PRSS12: variants seen among roughly 807,000 people sequenced by gnomAD.
PRSS12 encodes serine protease 12, also known as neurotrypsin.
Under a neutral mutation model 104.4 loss-of-function variants are expected in PRSS12, and 85 were observed. The ratio of observed to expected loss-of-function variants is 0.81; its 90% CI spans 0.68 to 0.98. PRSS12 has a LOEUF of 0.98. Ranked by LOEUF, PRSS12 falls within the 50% of genes least tolerant of loss-of-function variation. The pLI is 0.00. For synonymous variants in PRSS12, 454 were observed against 425.2 expected, an observed-to-expected ratio of 1.07 and a Z score of -0.83; for missense variants, 1,141 against 1,139.2, an observed-to-expected ratio of 1.00 and a Z score of -0.02.
At chr4:118,290,933 A>G (rs908326509) in intron 11 of PRSS12, among the ~76,000 whole-genome samples, 1 of 152,106 alleles carries the variant, frequency 6.6e-6, no homozygotes, top group Non-Finnish European at 1.5e-5. Context: ...CCTTCCTCAC[A>G]GTCCCTCCAG....
At chr4:118,316,837 A>ATATATATATATATATATATATATATAT (rs768370790) in intron 5 of PRSS12, among the ~76,000 whole-genome samples, 1 of 99,192 alleles carries the variant, frequency 1.0e-5, no homozygotes, top group Non-Finnish European at 2.0e-5. Flanking sequence ...AAAAAAAAAA[A>ATATATATATATATATATATATATATAT]ATATATATAT....
At chr4:118,311,464 C>T (rs1560773595) in intron 7 of PRSS12, among the ~76,000 whole-genome samples, 1 of 152,106 alleles carries the variant, frequency 6.6e-6, no homozygotes, top group East Asian at 1.9e-4. Flanking sequence ...CCATTGTTTC[C>T]TAAATGCTGT....
intron 4 of PRSS12, among the ~76,000 whole-genome samples, chr4:118,326,117 G>C (rs1723762631): frequency 6.6e-6 from 1 of 152,290 alleles, no homozygotes; most frequent in Non-Finnish European, 1.5e-5. Flanking sequence ...GGTAGACCTA[G>C]AATAGAGTTA....
chr4:118,303,987 G>C (rs1341005271), intron 8 of PRSS12: 1 of 151,608 alleles, frequency 6.6e-6, no homozygotes, highest in African/African-American at 2.4e-5. Context: ...GAGAGCTTTG[G>C]TAAACTTTTA....
chr4:118,301,671 G>T (rs936885367), intron 8 of PRSS12, among the ~76,000 whole-genome samples: 7 of 152,126 alleles, frequency 4.6e-5, no homozygotes, highest in Non-Finnish European at 1.0e-4. Flanking sequence ...TTTCACATAG[G>T]TCTCAATTCT....
chr4:118,330,343 C>G (rs1436637076), intron 4 of PRSS12, among the ~76,000 whole-genome samples: 1 of 152,026 alleles, frequency 6.6e-6, no homozygotes, highest in Admixed American at 6.6e-5. Context: ...TCTAATCAAG[C>G]CTTTAAACCT....
chr4:118,334,762 C>G (rs934867149), intron 3 of PRSS12, among the ~76,000 whole-genome samples: 1 of 152,154 alleles, frequency 6.6e-6, no homozygotes, highest in Non-Finnish European at 1.5e-5. Flanking sequence ...CCTGGGATAT[C>G]TGGTCATGCT....
chr4:118,301,525 C>T (rs1261742207), intron 8 of PRSS12, among the ~76,000 whole-genome samples: 1 of 151,964 alleles, frequency 6.6e-6, no homozygotes, highest in Non-Finnish European at 1.5e-5. Flanking sequence ...ACCCCATATG[C>T]ACACCAAGAA....
intron 4 of PRSS12, among the ~76,000 whole-genome samples, chr4:118,327,530 A>G (rs796843403): frequency 1.3e-5 from 2 of 152,338 alleles, no homozygotes; most frequent in African/African-American, 4.8e-5. Context: ...ATATAATTTT[A>G]GAGCAAAAAA....
intron 6 of PRSS12, among the ~76,000 whole-genome samples, chr4:118,314,206 C>T (rs1387400735): frequency 2.0e-5 from 3 of 152,080 alleles, no homozygotes; most frequent in Non-Finnish European, 1.5e-5. Flanking sequence ...TAACAGCCTA[C>T]AAGATTCAAC....
chr4:118,315,603 G>A (rs536676790), intron 6 of PRSS12, among the ~76,000 whole-genome samples: 52 of 152,148 alleles, frequency 3.4e-4, no homozygotes, highest in African/African-American at 1.1e-3. Context: ...CAGTTACTTC[G>A]ACCAACTTAA....
intron 4 of PRSS12, among the ~76,000 whole-genome samples, chr4:118,329,109 T>C (rs1400777793): frequency 6.6e-6 from 1 of 152,120 alleles, no homozygotes; most frequent in African/African-American, 2.4e-5. Context: ...AAAAATTTTT[T>C]TGTAGACACA....
Position 118,313,384 on chromosome 4 carries a change from C to T in PRSS12, c.1306G>A (p.Ala436Thr), listed in dbSNP as rs927166463. Residue 436 changes from alanine (A) to threonine (T), a missense_variant, in exon 7 of 13, where the codon GCA (alanine) becomes ACA (threonine). By Grantham distance (58) the Ala-to-Thr change is moderately conservative (BLOSUM62 0). Coordinates refer to ENST00000296498, the MANE Select transcript of PRSS12 (RefSeq NM_003619.4). ...CTTTCTTCAAAATGGTTGGCAGATG[C>T]TTGTTTACCATATCTGTGACAATTG... ...RQLGFKYGKQASANHFEESTG... is the reference protein window; with the variant it reads ...RQLGFKYGKQTSANHFEESTG... 4 of 1,613,958 alleles carry T rather than the reference C, an allele frequency of 2.5e-6. No individual in the cohort carries two copies. The highest frequency in any genetic ancestry group is 3.4e-6 in the Non-Finnish European group (4 of 1,179,982).
At chr4:118,304,211 T>C (rs1333736348) in intron 8 of PRSS12, among the ~76,000 whole-genome samples, 1 of 151,722 alleles carries the variant, frequency 6.6e-6, no homozygotes, top group African/African-American at 2.4e-5. Flanking sequence ...TATATACATA[T>C]ACACACATAT....
chr4:118,322,034 T>C (rs1430220404), intron 4 of PRSS12, among the ~76,000 whole-genome samples: 1 of 152,162 alleles, frequency 6.6e-6, no homozygotes. Context: ...AGGCAAACAT[T>C]TTCAAATATT....
intron 1 of PRSS12, among the ~76,000 whole-genome samples, chr4:118,343,460 C>A (rs549535183): frequency 3.3e-5 from 5 of 152,038 alleles, no homozygotes; most frequent in Admixed American, 1.3e-4. Flanking sequence ...GTGAAGGAAA[C>A]CTAAAAGAAA....
chr4:118,302,915 T>G (rs952693251), intron 8 of PRSS12, among the ~76,000 whole-genome samples: 1 of 152,080 alleles, frequency 6.6e-6, no homozygotes, highest in Non-Finnish European at 1.5e-5. Context: ...ATAGGTATAA[T>G]GTAAAGAAAT....
chr4:118,322,449 G>A (rs974738558), intron 4 of PRSS12, among the ~76,000 whole-genome samples: 1 of 151,848 alleles, frequency 6.6e-6, no homozygotes, highest in Non-Finnish European at 1.5e-5. Context: ...GGGAGGCTGC[G>A]GCAGGAGAAT....
At chr4:118,299,114 C>T (rs1033459667) in intron 8 of PRSS12, among the ~76,000 whole-genome samples, 176 bp from the exon 9 acceptor site, 1 of 152,154 alleles carries the variant, frequency 6.6e-6, no homozygotes, top group African/African-American at 2.4e-5. Context: ...AAGGTATTAA[C>T]TATACTTTCC....
Sources: allele counts gnomAD v4.1 joint callset (sites outside exome capture counted in the v4.1 genomes callset), GRCh38; gene constraint gnomAD v4.1.1; transcripts MANE v1.5; gene names NCBI Gene and HGNC (gene_info 2026-07-23, HGNC 2026-07-21).